The following NBAS variants were observed in gnomAD, a reference collection of about 807,000 sequenced individuals.
NBAS encodes NAG/BC035112 fusion.
Under a neutral mutation model 302.5 loss-of-function variants are expected in NBAS, and 219 were observed. That is an observed-to-expected ratio of 0.72 (90% CI 0.65 to 0.81). The LOEUF (loss-of-function observed/expected upper bound fraction) is 0.81, where lower values mean the gene tolerates loss of function less well. Among genes scored for constraint, NBAS ranks in the 30% least tolerant of loss-of-function variants. The pLI is 0.00. For missense variants in NBAS, 2,932 were observed against 2,841.6 expected, an observed-to-expected ratio of 1.03 and a Z score of -0.72; for synonymous variants, 1,118 against 1,021.6, an observed-to-expected ratio of 1.09 and a Z score of -1.80.
chr2:15,513,951 A>G (rs936920752), intron 9 of NBAS, among the ~76,000 whole-genome samples: 2 of 152,164 alleles, frequency 1.3e-5, no homozygotes, highest in African/African-American at 4.8e-5. Context: ...TGTGCCACTG[A>G]ACCCCAGCCT....
chr2:15,305,504 T>C (rs940144726), intron 40 of NBAS, among the ~76,000 whole-genome samples: 9 of 145,084 alleles, frequency 6.2e-5, no homozygotes, highest in African/African-American at 1.0e-4. Flanking sequence ...CCAGGCGGAG[T>C]GCAACGGCGC....
chr2:15,495,449 T>C (rs866911569), intron 11 of NBAS, among the ~76,000 whole-genome samples: 1 of 152,042 alleles, frequency 6.6e-6, no homozygotes, highest in African/African-American at 2.4e-5. Flanking sequence ...AAACAGTTTC[T>C]TCAACAAATA....
the NBAS span, among the ~76,000 whole-genome samples, chr2:14,793,293 T>A: frequency 6.6e-6 from 1 of 152,102 alleles, no homozygotes; most frequent in South Asian, 2.1e-4. Flanking sequence ...AAACAAACAG[T>A]CATCATAAAA....
chr2:15,299,070 AG>A (rs1411456997), intron 40 of NBAS, among the ~76,000 whole-genome samples: 2 of 152,192 alleles, frequency 1.3e-5, no homozygotes, highest in African/African-American at 4.8e-5. Flanking sequence ...ATCTGACTTC[AG>A]TGACATGACG....
At chr2:14,842,262 G>A in the NBAS span, among the ~76,000 whole-genome samples, 3 of 151,778 alleles carry the variant, frequency 2.0e-5, no homozygotes, top group Non-Finnish European at 4.4e-5. Context: ...ACCTCATGAT[G>A]CACCTCAAGG....
intron 39 of NBAS, 110 bp from the exon 40 acceptor site, chr2:15,308,463 T>A (rs1671128700): frequency 7.4e-7 from 1 of 1,351,244 alleles, no homozygotes; most frequent in South Asian, 1.3e-5. Flanking sequence ...AAGTTCCCAT[T>A]ACATCAACTC....
chr2:14,836,361 A>G, the NBAS span, among the ~76,000 whole-genome samples: 2 of 151,904 alleles, frequency 1.3e-5, no homozygotes, highest in Non-Finnish European at 3.0e-5. Context: ...TAAATAAGCT[A>G]CCCCAAAGAT....
intron 44 of NBAS, among the ~76,000 whole-genome samples, chr2:15,247,157 G>A (rs779300370): frequency 3.9e-5 from 6 of 152,154 alleles, no homozygotes; most frequent in South Asian, 2.1e-4. Flanking sequence ...AAAGCGTTAC[G>A]GGAAAGGTGT....
At chr2:15,317,101 A>T (rs1671550014) in intron 38 of NBAS, among the ~76,000 whole-genome samples, 1 of 152,232 alleles carries the variant, frequency 6.6e-6, no homozygotes, top group Non-Finnish European at 1.5e-5. Context: ...ATGAACAGGC[A>T]AACAGCGTCT....
chr2:15,093,191 A>G, the NBAS span, among the ~76,000 whole-genome samples: 1 of 152,246 alleles, frequency 6.6e-6, no homozygotes, highest in South Asian at 2.1e-4. Context: ...GGAGGCGGGC[A>G]GATCACTTGA....
At position 15,238,692 on chromosome 2, in the gene NBAS, A is replaced by G; in HGVS notation, c.5725-6T>C. 6.8e-7 allele frequency: 1 copy of G among 1,462,322 alleles called. No homozygotes were observed. Among genetic ancestry groups the G allele is most frequent in the Non-Finnish European group, 9.0e-7 (1 of 1,113,260 alleles). The allele number at this position is 1,462,322 out of a possible 1,614,324, so 90.6% of individuals were successfully genotyped here. A position where few individuals can be genotyped will look rare whatever the true frequency, so the allele number is the denominator to read the frequency against. The stretch of plus-strand genomic sequence containing the variant: ...TTACGGGCTTCCACAGACAGCTTAA[A>G]AAAAAGAATAGTGAGACCAAAGAAC... On this transcript the variant is annotated splice_polypyrimidine_tract_variant and splice_region_variant and intron_variant, in intron 44 of 51. Coordinates refer to ENST00000281513, the MANE Select transcript of NBAS (RefSeq NM_015909.4).
At chr2:15,425,245 G>A (rs757035993) in intron 22 of NBAS, among the ~76,000 whole-genome samples, 9 of 152,156 alleles carry the variant, frequency 5.9e-5, no homozygotes, top group Non-Finnish European at 1.2e-4. Context: ...TTCATCTAAA[G>A]CAAGCTGGCA....
the NBAS span, among the ~76,000 whole-genome samples, chr2:15,052,523 T>C: frequency 3.3e-5 from 5 of 152,122 alleles, no homozygotes; most frequent in Non-Finnish European, 4.4e-5. Context: ...CCCCACCCTA[T>C]AAAAGAAAGA....
At chr2:15,548,512 C>A (rs1270573598) in intron 6 of NBAS, among the ~76,000 whole-genome samples, 4 of 151,934 alleles carry the variant, frequency 2.6e-5, no homozygotes, top group Non-Finnish European at 4.4e-5. Context: ...TGTGATGGCA[C>A]GCACCTGTAA....
rs781043709 is a variant in NBAS at position 15,287,146 on chromosome 2, G to A, written c.5065C>T (p.Leu1689=). The change falls in exon 42 of 52, where the codon CTG becomes TTG. Residue 1689 remains leucine, a synonymous_variant. Coordinates refer to ENST00000281513, the MANE Select transcript of NBAS (RefSeq NM_015909.4). ...CGGGAGACACTGTAACGTTGTGCCA[G>A]AGAAATAGCAATGCTGTAGACGCTT... ...EESVYSIAIS[L]AQRYSVSRWE... is the part of the protein sequence containing the mutation. 4 of 1,614,092 alleles carry A rather than the reference G, an allele frequency of 2.5e-6. No individual in the cohort carries two copies. The highest frequency in any genetic ancestry group is 1.3e-5 in the African/African-American group (1 of 75,046).
At chr2:15,134,178 GGAT>G in the NBAS span, among the ~76,000 whole-genome samples, 1 of 152,020 alleles carries the variant, frequency 6.6e-6, no homozygotes, top group African/African-American at 2.4e-5. Flanking sequence ...GGCCTTTGGG[GGAT>G]GATAAGATGA....
intron 32 of NBAS, among the ~76,000 whole-genome samples, chr2:15,363,997 C>T (rs1465673966): frequency 6.6e-6 from 1 of 152,118 alleles, no homozygotes; most frequent in African/African-American, 2.4e-5. Context: ...CTCAAGCAGC[C>T]CAATGGAGAG....
chr2:14,948,872 A>T, the NBAS span, among the ~76,000 whole-genome samples: 63 of 152,318 alleles, frequency 4.1e-4, 1 homozygote, highest in South Asian at 0.011. Context: ...TAACCAAATT[A>T]CCATAGCACT....
the NBAS span, among the ~76,000 whole-genome samples, chr2:14,901,814 C>T: frequency 2.6e-5 from 4 of 152,296 alleles, 1 homozygote; most frequent in South Asian, 8.3e-4. Flanking sequence ...TCAGTGATGG[C>T]TCCTGAAAAC....
Sources: gnomAD v4.1 joint callset for allele counts (sites outside exome capture counted in the v4.1 genomes callset) on GRCh38, gnomAD v4.1.1 for gene constraint, MANE v1.5 for transcripts, NCBI Gene and HGNC (gene_info 2026-07-23, HGNC 2026-07-21) for gene names.